NDST3: variants seen among roughly 807,000 people sequenced by gnomAD.
NDST3 encodes the protein bifunctional heparan sulfate N-deacetylase/N-sulfotransferase 3.
Under a neutral mutation model 96.1 loss-of-function variants are expected in NDST3, and 58 were observed. That is an observed-to-expected ratio of 0.60 (90% CI 0.49 to 0.75). The LOEUF is 0.75. Ranked by LOEUF, NDST3 falls within the 30% of genes least tolerant of loss-of-function variation. NDST3 has a pLI of 0.00. For synonymous variants in NDST3, 333 were observed against 359.7 expected (o/e 0.93, Z 0.84); for missense variants, 788 against 1,034.2 (o/e 0.76, Z 3.27).
intron 6 of NDST3, among the ~76,000 whole-genome samples, chr4:118,176,419 A>C (rs1736284931): frequency 6.6e-6 from 1 of 152,138 alleles, no homozygotes; most frequent in Admixed American, 6.6e-5. Context: ...TTATGACCAA[A>C]GGTCATTTAT....
At chr4:118,039,294 G>T (rs1724316520) in intron 1 of NDST3, among the ~76,000 whole-genome samples, 1 of 152,316 alleles carries the variant, frequency 6.6e-6, no homozygotes, top group South Asian at 2.1e-4. Context: ...TTATTGCCTT[G>T]ACTGTTTGAG....
intron 6 of NDST3, among the ~76,000 whole-genome samples, chr4:118,184,499 G>A (rs907138477): frequency 1.3e-5 from 2 of 151,538 alleles, no homozygotes; most frequent in African/African-American, 4.9e-5. Flanking sequence ...GCAAATCTGG[G>A]GCTTACCAAG....
rs1445797146 is a variant in NDST3, at chr4:118,258,283, A to G, written c.*2571A>G. 6.6e-6 allele frequency: 1 copy of G among 152,246 alleles called. No individual in the cohort carries two copies. Among genetic ancestry groups the G allele is most frequent in the Non-Finnish European group, 1.5e-5 (1 of 68,046 alleles). 9.4% of individuals were successfully genotyped at this position (152,246 alleles called of 1,614,324 possible). A position where few individuals can be genotyped will look rare whatever the true frequency, so the allele number is the denominator to read the frequency against. On this transcript the variant is annotated 3_prime_UTR_variant, in exon 14 of 14. Transcript: ENST00000296499. ...TGACCACTCAATGTGTCTTGAAGACAGCATCAAATTCTAGAGGACATGCAT... is the reference window on the plus strand; with the variant it reads ...TGACCACTCAATGTGTCTTGAAGACGGCATCAAATTCTAGAGGACATGCAT...
intron 2 of NDST3, among the ~76,000 whole-genome samples, chr4:118,089,295 T>C (rs1728678941): frequency 6.6e-6 from 1 of 151,984 alleles, no homozygotes; most frequent in Non-Finnish European, 1.5e-5. Context: ...GTTTATATAG[T>C]TACCTAGACA....
At chr4:118,045,093 AT>A (rs1724688586) in intron 1 of NDST3, among the ~76,000 whole-genome samples, 1 of 152,060 alleles carries the variant, frequency 6.6e-6, no homozygotes, top group Non-Finnish European at 1.5e-5. Context: ...TTACCCATAC[AT>A]AGTCAAATTT....
At position 118,256,585 on chromosome 4, in the gene NDST3, A is replaced by G. The variant is rs1388134647; in HGVS notation, c.*873A>G. 2 of 152,218 alleles carry G rather than the reference A, an allele frequency of 1.3e-5. No homozygotes were observed. The highest frequency in any genetic ancestry group is 2.9e-5 in the Non-Finnish European group (2 of 68,028). 9.4% of individuals were successfully genotyped at this position (152,218 alleles called of 1,614,324 possible). A position where few individuals can be genotyped will look rare whatever the true frequency, so the allele number is the denominator to read the frequency against. ...TTGCTGTAAGCTGTGAATCTATCCC[A>G]GTAGTCCTCACTAGTTCTACAGAAA... On this transcript the variant is annotated 3_prime_UTR_variant, in exon 14 of 14. Coordinates refer to ENST00000296499, the MANE Select transcript of NDST3 (RefSeq NM_004784.3).
intron 6 of NDST3, among the ~76,000 whole-genome samples, chr4:118,184,937 C>G (rs867480068): frequency 6.6e-6 from 1 of 152,172 alleles, no homozygotes; most frequent in Middle Eastern, 3.4e-3. Flanking sequence ...TTTCTGCATT[C>G]CTACTCAACT....
chr4:118,226,858 T>A, intron 7 of NDST3, 28 bp from the exon 8 acceptor site: 2 of 1,518,984 alleles, frequency 1.3e-6, no homozygotes, highest in East Asian at 2.3e-5. Context: ...TGAAAAAAAA[T>A]ACATCTCTAT....
chr4:118,120,338 G>T (rs1731457617), intron 4 of NDST3, among the ~76,000 whole-genome samples: 1 of 152,046 alleles, frequency 6.6e-6, no homozygotes, highest in South Asian at 2.1e-4. Flanking sequence ...AGAGGGAGCA[G>T]GGGGGAAAGG....
intron 10 of NDST3, among the ~76,000 whole-genome samples, chr4:118,240,313 T>A (rs79281045): frequency 0.039 from 5,937 of 152,244 alleles, 177 homozygotes; most frequent in African/African-American, 0.085. Context: ...TTCTACCAGA[T>A]AAATTCTCAA....
chr4:118,103,862 C>G (rs2125848810), intron 2 of NDST3, among the ~76,000 whole-genome samples: 1 of 152,286 alleles, frequency 6.6e-6, no homozygotes, highest in African/African-American at 2.4e-5. Context: ...AATTAGATAG[C>G]TAAATTTCAA....
chr4:118,063,011 A>G (rs897190911), intron 2 of NDST3, among the ~76,000 whole-genome samples: 1 of 151,802 alleles, frequency 6.6e-6, no homozygotes, highest in African/African-American at 2.4e-5. Flanking sequence ...ACCAACATGG[A>G]GAAACCCCAT....
intron 2 of NDST3, among the ~76,000 whole-genome samples, chr4:118,063,418 G>A (rs1726059748): frequency 6.6e-6 from 1 of 152,134 alleles, no homozygotes; most frequent in African/African-American, 2.4e-5. Context: ...CAAAGGATAT[G>A]CTGATGAATA....
chr4:118,062,658 T>C (rs1169404689), intron 2 of NDST3, among the ~76,000 whole-genome samples: 1 of 147,002 alleles, frequency 6.8e-6, no homozygotes, highest in Non-Finnish European at 1.5e-5. Flanking sequence ...GGCGAAATCA[T>C]AAAATAGATT....
chr4:118,248,705 A>T (rs572641132), intron 12 of NDST3, among the ~76,000 whole-genome samples: 1 of 152,354 alleles, frequency 6.6e-6, no homozygotes, highest in East Asian at 1.9e-4. Context: ...GTGCTTACAT[A>T]AAAAGATAGT....
intron 2 of NDST3, among the ~76,000 whole-genome samples, chr4:118,093,569 G>A (rs1180851077): frequency 6.6e-6 from 1 of 151,672 alleles, no homozygotes; most frequent in Non-Finnish European, 1.5e-5. Flanking sequence ...TAATTTTTGT[G>A]CTGATTTACA....
chr4:118,054,167 G>A lies in NDST3; in HGVS notation c.257G>A (p.Ser86Asn). 6.2e-7 allele frequency: 1 copy of A among 1,612,998 alleles called. No homozygotes were observed. Residue 86 changes from serine (S) to asparagine (N), a missense_variant, in exon 2 of 14, where the codon AGC (serine) becomes AAC (asparagine). Ser to Asn is a conservative substitution (Grantham distance 46). Around this residue, in one of 3 missense-constraint regions of NDST3, gnomAD observed 234 missense variants for 256.9 expected, o/e 0.91. Transcript: ENST00000296499. ...CCCACAGTCCTAGTATTTGTAGAGA[G>A]CCAGTACTCATCTCTTGGTCAAGAC... ...TDPTVLVFVE[S>N]QYSSLGQDII...
chr4:118,156,566 T>A (rs774122661), intron 6 of NDST3, among the ~76,000 whole-genome samples: 25 of 152,176 alleles, frequency 1.6e-4, no homozygotes, highest in Admixed American at 1.4e-3. Flanking sequence ...TCTTTGGAAT[T>A]TGAAAGAAAT....
chr4:118,124,795 T>C (rs1731907771), intron 4 of NDST3, among the ~76,000 whole-genome samples: 1 of 152,120 alleles, frequency 6.6e-6, no homozygotes, highest in Non-Finnish European at 1.5e-5. Context: ...GTTTTATAAG[T>C]TGCTATAATG....
Sources: gnomAD v4.1 joint callset for allele counts (sites outside exome capture counted in the v4.1 genomes callset) on GRCh38, gnomAD v4.1.1 for gene constraint, gnomAD v4.1.1 regional missense constraint, MANE v1.5 for transcripts, NCBI Gene and HGNC (gene_info 2026-07-23, HGNC 2026-07-21) for gene names.